The following KCNIP4 variants were observed in gnomAD, a reference collection of about 807,000 sequenced individuals.
KCNIP4 encodes Kv channel-interacting protein 4.
KCNIP4 carries 12 observed loss-of-function variants against 34.0 expected under a neutral mutation model. That is an observed-to-expected ratio of 0.35 (90% CI 0.23 to 0.57). KCNIP4 has a LOEUF of 0.57. Ranked by LOEUF, KCNIP4 falls within the 20% of genes least tolerant of loss-of-function variation. The pLI is 0.83. For missense variants in KCNIP4, 238 were observed against 311.7 expected (o/e 0.76, Z 1.78); for synonymous variants, 124 against 102.2 (o/e 1.21, Z -1.29).
chr4:21,452,930 A>G (rs919934418), intron 1 of KCNIP4, among the ~76,000 whole-genome samples: 3 of 152,246 alleles, frequency 2.0e-5, no homozygotes, highest in Admixed American at 6.5e-5. Flanking sequence ...ATAGTAATAA[A>G]CCTGTTTCAT....
chr4:21,577,882 C>G (rs1740871452), intron 1 of KCNIP4, among the ~76,000 whole-genome samples: 1 of 152,110 alleles, frequency 6.6e-6, no homozygotes, highest in South Asian at 2.1e-4. Context: ...ACATCCTGCT[C>G]TCCATCATTT....
intron 1 of KCNIP4, among the ~76,000 whole-genome samples, chr4:21,673,993 T>A (rs1044021201): frequency 2.0e-5 from 3 of 152,212 alleles, no homozygotes; most frequent in Non-Finnish European, 4.4e-5. Context: ...CATAGTCTCA[T>A]GCCTTGCAGG....
At position 21,680,361 on chromosome 4, in the gene KCNIP4, T is replaced by C. The variant is rs189847347; in HGVS notation, c.61+268210A>G. Among the ~76,000 whole-genome samples, 216 of 152,314 alleles carry C rather than the reference T, an allele frequency of 1.4e-3. 1 individual carries two copies. The highest frequency in any genetic ancestry group is 5.1e-3 in the African/African-American group (210 of 41,570). The stretch of plus-strand genomic sequence containing the variant: ...TTTCTAATCCTCGTTTTCTTGCTAT[T>C]TCCATCACATCTCCAGCAACTTCCT... On this transcript the variant is annotated intron_variant, in intron 1 of 8. Transcript: ENST00000382152.
chr4:21,150,828 A>T (rs867267599), intron 1 of KCNIP4, among the ~76,000 whole-genome samples: 1 of 152,226 alleles, frequency 6.6e-6, no homozygotes, highest in Non-Finnish European at 1.5e-5. Flanking sequence ...AAATAAAGGC[A>T]ATCTGCTGAC....
chr4:20,830,486 G>T (rs1251001511), intron 3 of KCNIP4, among the ~76,000 whole-genome samples: 1 of 152,032 alleles, frequency 6.6e-6, no homozygotes, highest in East Asian at 1.9e-4. Flanking sequence ...CCTAGATTCT[G>T]CATGTTCTTA....
chr4:21,122,174 GT>G (rs71818519), intron 1 of KCNIP4, among the ~76,000 whole-genome samples: 21,180 of 141,942 alleles, frequency 0.15, 1,669 homozygotes, highest in East Asian at 0.24. Context: ...TGCAGATCAA[GT>G]TTTTTTTTTT....
intron 1 of KCNIP4, among the ~76,000 whole-genome samples, chr4:21,176,062 G>C (rs1013335461): frequency 1.3e-5 from 2 of 152,090 alleles, no homozygotes; most frequent in Non-Finnish European, 2.9e-5. Context: ...TAACTTGTCT[G>C]AGGCAATTTC....
intron 8 of KCNIP4, chr4:20,731,241 AT>A (rs1015903396): frequency 3.6e-4 from 104 of 285,152 alleles, no homozygotes; most frequent in Non-Finnish European, 4.6e-4. Flanking sequence ...AGCTAACTTA[AT>A]TTTTTTTTGT....
At chr4:20,856,451 C>G (rs974276958) in intron 2 of KCNIP4, among the ~76,000 whole-genome samples, 1 of 152,176 alleles carries the variant, frequency 6.6e-6, no homozygotes, top group Admixed American at 6.6e-5. Flanking sequence ...CGTTCCCACA[C>G]TCTGGTTCTT....
chr4:21,204,027 G>A lies in KCNIP4; in HGVS notation c.62-321318C>T, dbSNP rs116269982. On this transcript the variant is annotated intron_variant, in intron 1 of 8. Transcript: ENST00000382152. The stretch of plus-strand genomic sequence containing the variant: ...GAAACTTGCATTATGCTCATCGCTG[G>A]GTTGGTTTCCATTGCAAGGCATGGT... 8.3e-3 allele frequency among the ~76,000 whole-genome samples: 1,269 copies of A among 152,256 alleles called. 13 individuals are homozygous for A. Among genetic ancestry groups the A allele is most frequent in the African/African-American group, 0.028 (1,179 of 41,540 alleles).
Position 21,123,920 on chromosome 4 carries a change from C to A in KCNIP4, c.62-241211G>T, listed in dbSNP as rs181374497. The stretch of plus-strand genomic sequence containing the variant: ...ACCACGCTGGCACCCTGTGCTCAGA[C>A]TTCCAGCTTCCAGAACTGTGAGAAA... On this transcript the variant is annotated intron_variant, in intron 1 of 8. Coordinates refer to ENST00000382152, the MANE Select transcript of KCNIP4 (RefSeq NM_025221.6). 3.8e-3 allele frequency among the ~76,000 whole-genome samples: 573 copies of A among 152,248 alleles called. 3 individuals carry two copies. The highest frequency in any genetic ancestry group is 0.011 in the Admixed American group (165 of 15,280).
chr4:21,257,477 G>A (rs1761136648), intron 1 of KCNIP4, among the ~76,000 whole-genome samples: 1 of 152,076 alleles, frequency 6.6e-6, no homozygotes, highest in South Asian at 2.1e-4. Context: ...GCGGGGCGTG[G>A]TGGCTCACAC....
chr4:21,500,582 T>C (rs959562135), intron 1 of KCNIP4, among the ~76,000 whole-genome samples: 3 of 152,136 alleles, frequency 2.0e-5, no homozygotes, highest in African/African-American at 4.8e-5. Context: ...TTATTAGAGA[T>C]TGATAAGTTC....
intron 1 of KCNIP4, among the ~76,000 whole-genome samples, chr4:21,648,673 C>T (rs1747224640): frequency 6.6e-6 from 1 of 152,030 alleles, no homozygotes; most frequent in Non-Finnish European, 1.5e-5. Context: ...TAATTATTTG[C>T]CAAAATTTTC....
chr4:21,096,153 C>T (rs10028251), intron 1 of KCNIP4, among the ~76,000 whole-genome samples: 22,024 of 152,070 alleles, frequency 0.14, 1,666 homozygotes, highest in South Asian at 0.19. Context: ...ATGACCAGAG[C>T]GGTGCAATTA....
At chr4:20,839,507 T>TAG (rs1553904211) in intron 3 of KCNIP4, among the ~76,000 whole-genome samples, 8 of 149,138 alleles carry the variant, frequency 5.4e-5, no homozygotes, top group East Asian at 3.9e-4. Flanking sequence ...TATATATATA[T>TAG]ATAGATAGGT....
At chr4:21,760,937 G>A (rs535080854) in intron 1 of KCNIP4, among the ~76,000 whole-genome samples, 1 of 152,162 alleles carries the variant, frequency 6.6e-6, no homozygotes, top group African/African-American at 2.4e-5. Context: ...CTACATGGCA[G>A]GCACTGTTCT....
At chr4:20,921,657 G>A (rs1729397811) in intron 1 of KCNIP4, among the ~76,000 whole-genome samples, 1 of 152,128 alleles carries the variant, frequency 6.6e-6, no homozygotes, top group South Asian at 2.1e-4. Context: ...AAATAGAATT[G>A]CAGAATTTAA....
intron 1 of KCNIP4, among the ~76,000 whole-genome samples, chr4:20,938,257 G>A (rs552315458): frequency 1.7e-4 from 25 of 151,174 alleles, no homozygotes; most frequent in African/African-American, 5.9e-4. Flanking sequence ...TGCAGAATCA[G>A]GAGAAGCCAA....
Sources: gnomAD v4.1 joint callset for allele counts (sites outside exome capture counted in the v4.1 genomes callset) on GRCh38, gnomAD v4.1.1 for gene constraint, MANE v1.5 for transcripts, NCBI Gene and HGNC (gene_info 2026-07-23, HGNC 2026-07-21) for gene names.